The following PAPOLA variants were observed in gnomAD, a reference collection of about 807,000 sequenced individuals.
The protein encoded by PAPOLA is poly(A) polymerase alpha, also known as polynucleotide adenylyltransferase alpha.
Under a neutral mutation model 100.6 loss-of-function variants are expected in PAPOLA, and 15 were observed. That is an observed-to-expected ratio of 0.15 (90% confidence interval 0.10 to 0.23). PAPOLA has a LOEUF of 0.23. Ranked by LOEUF, PAPOLA falls within the 10% of genes least tolerant of loss-of-function variation. The probability of loss-of-function intolerance (pLI) is 1.00; values close to 1 mark genes in which losing one functional copy is unlikely to be tolerated. For synonymous variants in PAPOLA, 293 were observed against 300.0 expected (o/e 0.98, Z 0.24); for missense variants, 533 against 884.2 (o/e 0.60, Z 5.04).
intron 1 of PAPOLA, among the ~76,000 whole-genome samples, chr14:96,517,817 C>A (rs896985199): frequency 7.2e-5 from 11 of 151,898 alleles, no homozygotes; most frequent in African/African-American, 2.7e-4. Context: ...GATGCTCCTG[C>A]CTCAGCCTAC....
At chr14:96,519,648 C>T (rs1396407871) in intron 1 of PAPOLA, among the ~76,000 whole-genome samples, 6 of 152,268 alleles carry the variant, frequency 3.9e-5, no homozygotes, top group African/African-American at 9.6e-5. Context: ...CTATGAACTT[C>T]GTTCATTGTA....
At position 96,502,502 on chromosome 14, in the gene PAPOLA, C is replaced by G. The variant is rs780588593; in HGVS notation, c.-91C>G. The G allele has an allele frequency of 9.7e-6, 10 of 1,026,446 alleles. No individual in the cohort carries two copies. The East Asian group carries it at 1.3e-4, about 14-fold the overall frequency. 63.6% of individuals were successfully genotyped at this position (1,026,446 alleles called of 1,614,324 possible). Reference sequence around the variant, plus strand: ...GGACCCAGGGCTGAGGCAGGCCCCCCCCTCCCTCCCGCCTCAGTGGATCAT... The same window carrying G: ...GGACCCAGGGCTGAGGCAGGCCCCCGCCTCCCTCCCGCCTCAGTGGATCAT... On this transcript the variant is annotated 5_prime_UTR_variant, in exon 1 of 22. Coordinates refer to ENST00000216277, the MANE Select transcript of PAPOLA (RefSeq NM_032632.5).
intron 16 of PAPOLA, among the ~76,000 whole-genome samples, chr14:96,549,760 T>C (rs556646060): frequency 2.0e-5 from 3 of 152,216 alleles, no homozygotes; most frequent in African/African-American, 7.2e-5. Context: ...AACTAAAATA[T>C]CAAGTTAAAC....
chr14:96,543,000 A>G, intron 14 of PAPOLA, 107 bp downstream of exon 14: 1 of 1,124,066 alleles, frequency 8.9e-7, no homozygotes. Context: ...TTGACTACAT[A>G]TGGCTTATAG....
In PAPOLA at chr14:96,502,534, G is replaced by C. The variant is rs1896350853; in HGVS notation, c.-59G>C. ...TCCCGCCTCAGTGGATCATGCCCAG[G>C]GCGGCAGCGGCGGCGGTTGCGGGGG... On this transcript the variant is annotated 5_prime_UTR_variant, in exon 1 of 22. Coordinates refer to ENST00000216277, the MANE Select transcript of PAPOLA (RefSeq NM_032632.5). 1 of 1,398,920 alleles carries C rather than the reference G, an allele frequency of 7.1e-7. No individual in the cohort carries two copies. Among genetic ancestry groups the C allele is most frequent in the Admixed American group, 2.0e-5 (1 of 50,536 alleles). 86.7% of individuals were successfully genotyped at this position (1,398,920 alleles called of 1,614,324 possible).
intron 1 of PAPOLA, among the ~76,000 whole-genome samples, chr14:96,507,280 G>GTTTTTTGTTTTTTTTTTTTT (rs1413020909): frequency 2.5e-5 from 2 of 80,720 alleles, no homozygotes; most frequent in African/African-American, 1.1e-4. Context: ...TTGGAAAATA[G>GTTTTTTGTTTTTTTTTTTTT]TTTTTTTTTT....
At chr14:96,531,806 C>T in intron 7 of PAPOLA, 3 of 1,419,796 alleles carry the variant, frequency 2.1e-6, no homozygotes, top group South Asian at 1.6e-5. Flanking sequence ...TAATGGTATA[C>T]TCAGGACACT....
chr14:96,543,709 TTC>T (rs1394252167), intron 14 of PAPOLA, among the ~76,000 whole-genome samples: 1 of 152,092 alleles, frequency 6.6e-6, no homozygotes, highest in Admixed American at 6.5e-5. Context: ...CCTGTTATGC[TTC>T]TGTTCATGTG....
chr14:96,518,251 A>G (rs1231389709), intron 1 of PAPOLA, among the ~76,000 whole-genome samples: 3 of 152,246 alleles, frequency 2.0e-5, no homozygotes, highest in Admixed American at 6.5e-5. Flanking sequence ...AACACGCAGT[A>G]TGGGCTTCTT....
chr14:96,520,127 C>T lies in PAPOLA; in HGVS notation c.81C>T (p.Ser27=), dbSNP rs757534734. Residue 27 remains serine, a synonymous_variant, in exon 2 of 22, where the codon AGC becomes AGT. Transcript: ENST00000216277. The part of the protein sequence containing the change: ...QKHYGITSPI[S]LAAPKETDCV... ...ACTATGGCATTACTTCTCCTATCAG[C>T]TTAGCAGCCCCCAAGGAGACTGACT... is the stretch of plus-strand genomic sequence containing the variant. 1.2e-6 allele frequency: 2 copies of T among 1,613,774 alleles called. No homozygotes were observed. Among genetic ancestry groups the T allele is most frequent in the Non-Finnish European group, 1.7e-6 (2 of 1,179,678 alleles).
At chr14:96,512,979 GA>G (rs1897206266) in intron 1 of PAPOLA, among the ~76,000 whole-genome samples, 1 of 152,204 alleles carries the variant, frequency 6.6e-6, no homozygotes, top group African/African-American at 2.4e-5. Context: ...TGTTGTGCTG[GA>G]ATTCGGGTCC....
chr14:96,531,959 A>G (rs951673129), intron 7 of PAPOLA: 6 of 1,259,898 alleles, frequency 4.8e-6, no homozygotes, highest in African/African-American at 4.7e-5. Flanking sequence ...ACAATTTTAT[A>G]TTAGCATAGC....
At chr14:96,544,647 G>A (rs953243571) in intron 15 of PAPOLA, among the ~76,000 whole-genome samples, 8 of 151,954 alleles carry the variant, frequency 5.3e-5, no homozygotes, top group Admixed American at 1.3e-4. Flanking sequence ...GTGTATACAC[G>A]ATTTTTCTCT....
intron 2 of PAPOLA, among the ~76,000 whole-genome samples, chr14:96,520,612 G>C (rs989083302): frequency 6.6e-6 from 1 of 152,044 alleles, no homozygotes; most frequent in Non-Finnish European, 1.5e-5. Flanking sequence ...CCTGAGCCTT[G>C]GTCTCCCAAA....
At position 96,561,895 on chromosome 14, in the gene PAPOLA, CTTTTTTTGG is replaced by C. The variant is rs1302801510; in HGVS notation, c.2068-916_2068-908del. Among the ~76,000 whole-genome samples, 4 of 147,018 alleles carry C rather than the reference CTTTTTTTGG, an allele frequency of 2.7e-5. No individual in the cohort carries two copies. The East Asian group carries it at 8.0e-4, about 29-fold the overall frequency. Reference sequence around the variant, plus strand: ...TTATATTTTTCTTTTCTTCTTTGTCCTTTTTTTGGTTTTTTTTGAGATGGAGTCTTGCTC... The same window carrying C: ...TTATATTTTTCTTTTCTTCTTTGTCCTTTTTTTTGAGATGGAGTCTTGCTC... On this transcript the variant is annotated intron_variant, in intron 20 of 21. Coordinates refer to ENST00000216277, the MANE Select transcript of PAPOLA (RefSeq NM_032632.5).
chr14:96,536,022 T>A, intron 11 of PAPOLA, 23 bp downstream of exon 11: 1 of 1,548,390 alleles, frequency 6.5e-7, no homozygotes, highest in East Asian at 2.3e-5. Flanking sequence ...CCTTATGCTC[T>A]GATTTATACA....
intron 3 of PAPOLA, 115 bp downstream of exon 3, chr14:96,521,187 A>C: frequency 1.5e-6 from 1 of 660,974 alleles, no homozygotes; most frequent in Non-Finnish European, 2.8e-6. Context: ...ATGTGGAGTC[A>C]ATTTTAGACT....
intron 14 of PAPOLA, among the ~76,000 whole-genome samples, chr14:96,543,469 G>T (rs1179981372): frequency 6.6e-6 from 1 of 152,002 alleles, no homozygotes; most frequent in Non-Finnish European, 1.5e-5. Context: ...GAGAGTACTA[G>T]TAATGAGCTT....
At chr14:96,538,824 T>C (rs1337494188) in intron 12 of PAPOLA, among the ~76,000 whole-genome samples, 1 of 152,074 alleles carries the variant, frequency 6.6e-6, no homozygotes, top group Non-Finnish European at 1.5e-5. Context: ...TACAACCAAA[T>C]GGAAATGTTT....
Sources: allele counts gnomAD v4.1 joint callset (sites outside exome capture counted in the v4.1 genomes callset), GRCh38; gene constraint gnomAD v4.1.1; transcripts MANE v1.5; gene names NCBI Gene and HGNC (gene_info 2026-07-23, HGNC 2026-07-21).